Variants in NREP observed in about 807,000 individuals in gnomAD.
The protein encoded by NREP is neuronal regeneration related protein, also known as neuronal regeneration-related protein.
In NREP, 5 loss-of-function variants were observed where a neutral mutation model predicts 8.6. The ratio of observed to expected loss-of-function variants is 0.58; its 90% CI spans 0.30 to 1.22. The LOEUF (loss-of-function observed/expected upper bound fraction) is 1.22, where lower values mean the gene tolerates loss of function less well. Ranked by LOEUF, NREP falls within the 50% of genes most tolerant of loss-of-function variation. NREP has a pLI of 0.07. For missense variants in NREP, 86 were observed against 82.5 expected (o/e 1.04, Z -0.17); for synonymous variants, 27 against 28.0 (o/e 0.96, Z 0.11).
intron 2 of NREP, among the ~76,000 whole-genome samples, chr5:111,774,883 T>G (rs1751320640): frequency 1.3e-5 from 2 of 152,196 alleles, no homozygotes; most frequent in Admixed American, 1.3e-4. Flanking sequence ...GTATGGGTGT[T>G]GTCTTTATTG....
At position 111,729,850 on chromosome 5, in the gene NREP, G is replaced by C. The variant is rs1329769126; in HGVS notation, c.*1071C>G. ...TTTAAAAAAGTATCATGATTTTGTA[G>C]ACCTTGTTTTCCAATTTAATATTTG... On this transcript the variant is annotated 3_prime_UTR_variant, in exon 4 of 4. Transcript: ENST00000257435. 9 of 152,548 alleles carry C rather than the reference G, an allele frequency of 5.9e-5. No homozygotes were observed. Among genetic ancestry groups the C allele is most frequent in the Non-Finnish European group, 1.2e-4 (8 of 68,028 alleles). The allele number at this position is 152,548 out of a possible 1,614,324, so 9.4% of individuals were successfully genotyped here. A position where few individuals can be genotyped will look rare whatever the true frequency, so the allele number is the denominator to read the frequency against.
intron 2 of NREP, among the ~76,000 whole-genome samples, chr5:111,803,941 A>G (rs889377903): frequency 6.6e-6 from 1 of 152,224 alleles, no homozygotes; most frequent in African/African-American, 2.4e-5. Flanking sequence ...TCATGAACAT[A>G]TCAGTTCTCC....
intron 1 of NREP, chr5:111,756,196 A>G (rs1750691506): frequency 2.0e-6 from 2 of 1,021,672 alleles, no homozygotes; most frequent in Non-Finnish European, 2.4e-6. Flanking sequence ...TATATTTGCA[A>G]TCAAGACGAC....
chr5:111,947,954 A>G (rs1334838425), intron 2 of NREP, among the ~76,000 whole-genome samples: 1 of 152,022 alleles, frequency 6.6e-6, no homozygotes, highest in Non-Finnish European at 1.5e-5. Context: ...GCTATATTCT[A>G]CACCTGTAAA....
At chr5:111,741,107 T>C (rs773673765) in intron 2 of NREP, among the ~76,000 whole-genome samples, 2 of 152,186 alleles carry the variant, frequency 1.3e-5, no homozygotes, top group South Asian at 2.1e-4. Flanking sequence ...TGGGGTCCTA[T>C]AGGGTTAAAG....
At chr5:111,910,676 T>C (rs1229379194) in intron 2 of NREP, among the ~76,000 whole-genome samples, 4 of 152,032 alleles carry the variant, frequency 2.6e-5, no homozygotes, top group Non-Finnish European at 5.9e-5. Flanking sequence ...CTGAGGAACT[T>C]GGCTTCTGAG....
chr5:111,934,018 C>T (rs1487021834), intron 2 of NREP, among the ~76,000 whole-genome samples: 1 of 152,022 alleles, frequency 6.6e-6, no homozygotes, highest in Non-Finnish European at 1.5e-5. Flanking sequence ...TTTAAAGTAC[C>T]ATTTTCCTTT....
At chr5:111,914,637 G>T (rs1453770612) in intron 2 of NREP, among the ~76,000 whole-genome samples, 1 of 152,024 alleles carries the variant, frequency 6.6e-6, no homozygotes, top group Non-Finnish European at 1.5e-5. Flanking sequence ...TACTCTCCTG[G>T]CAAAACTGCT....
chr5:111,829,690 A>G (rs1425714308), intron 2 of NREP, among the ~76,000 whole-genome samples: 1 of 152,204 alleles, frequency 6.6e-6, no homozygotes, highest in East Asian at 1.9e-4. Flanking sequence ...CTCTCAGTCT[A>G]GACTTTACCT....
chr5:111,933,847 G>T (rs2112603310), intron 2 of NREP, among the ~76,000 whole-genome samples: 1 of 152,186 alleles, frequency 6.6e-6, no homozygotes, highest in East Asian at 1.9e-4. Flanking sequence ...AGAAGCTAGG[G>T]AGGACTTAGA....
At chr5:111,899,973 T>A (rs1048296216) in intron 2 of NREP, among the ~76,000 whole-genome samples, 3 of 152,120 alleles carry the variant, frequency 2.0e-5, no homozygotes, top group South Asian at 2.1e-4. Flanking sequence ...AAATATTTTA[T>A]CTAACAGCTG....
chr5:111,840,733 A>T (rs541124858), intron 2 of NREP, among the ~76,000 whole-genome samples: 66 of 152,242 alleles, frequency 4.3e-4, no homozygotes, highest in African/African-American at 1.5e-3. Flanking sequence ...AATCAGACAC[A>T]ATCTTTTTCC....
At chr5:111,920,568 A>C (rs1280762709) in intron 2 of NREP, among the ~76,000 whole-genome samples, 2 of 152,130 alleles carry the variant, frequency 1.3e-5, no homozygotes, top group African/African-American at 4.8e-5. Flanking sequence ...AAGGAAGAAA[A>C]ATCTCTGAAG....
At chr5:111,732,587 A>G (rs1748690772) in intron 3 of NREP, 1 of 151,598 alleles carries the variant, frequency 6.6e-6, no homozygotes, top group Non-Finnish European at 1.5e-5. Flanking sequence ...TTCCAAAAGC[A>G]TAATATTGGG....
At chr5:111,776,867 A>G (rs1751373175) in intron 2 of NREP, among the ~76,000 whole-genome samples, 1 of 152,212 alleles carries the variant, frequency 6.6e-6, no homozygotes, top group Admixed American at 6.5e-5. Context: ...ACAAAGGTAT[A>G]TAAATATATA....
chr5:111,841,528 G>T (rs1753029971), intron 2 of NREP, among the ~76,000 whole-genome samples: 1 of 152,158 alleles, frequency 6.6e-6, no homozygotes, highest in Non-Finnish European at 1.5e-5. Context: ...CTGATACACT[G>T]TGATACGGTT....
chr5:111,799,827 C>T (rs566206981), intron 2 of NREP, among the ~76,000 whole-genome samples: 2 of 152,310 alleles, frequency 1.3e-5, no homozygotes, highest in Non-Finnish European at 2.9e-5. Flanking sequence ...GTCCACTTGT[C>T]TGGAGTAAAG....
chr5:111,769,586 C>A (rs1751169188), intron 2 of NREP, among the ~76,000 whole-genome samples: 1 of 152,158 alleles, frequency 6.6e-6, no homozygotes, highest in African/African-American at 2.4e-5. Context: ...AAAGATACAC[C>A]TGAGACTGCG....
chr5:111,849,640 ATTATC>A (rs1291122212), intron 2 of NREP, among the ~76,000 whole-genome samples: 1 of 152,094 alleles, frequency 6.6e-6, no homozygotes, highest in Non-Finnish European at 1.5e-5. Flanking sequence ...TTTTTGAATT[ATTATC>A]TTATCCATCT....
Sources: allele counts gnomAD v4.1 joint callset (sites outside exome capture counted in the v4.1 genomes callset), GRCh38; gene constraint gnomAD v4.1.1; transcripts MANE v1.5; gene names NCBI Gene and HGNC (gene_info 2026-07-23, HGNC 2026-07-21).